The following DMD variants were observed in gnomAD, a reference collection of about 807,000 sequenced individuals.
The protein encoded by DMD is mutant dystrophin.
In DMD, 63 loss-of-function variants were observed where a neutral mutation model predicts 330.1. That is an observed-to-expected ratio of 0.19 (90% CI 0.16 to 0.24). The LOEUF (loss-of-function observed/expected upper bound fraction) is 0.24, where lower values mean the gene tolerates loss of function less well. Ranked by LOEUF, DMD falls within the 10% of genes least tolerant of loss-of-function variation. DMD has a pLI of 1.00. For missense variants in DMD, 3,344 were observed against 2,684.1 expected, an observed-to-expected ratio of 1.25 and a Z score of -5.43; for synonymous variants, 1,223 against 959.8, an observed-to-expected ratio of 1.27 and a Z score of -5.07.
chrX:32,649,418 G>A (rs1252145648), intron 9 of DMD, among the ~76,000 whole-genome samples: 1 of 109,061 alleles, frequency 9.2e-6, no homozygotes, highest in African/African-American at 3.4e-5. Flanking sequence ...GCCGGGCGCG[G>A]TGGCGGCGCC....
At chrX:31,429,717 C>T (rs2063926857) in intron 60 of DMD, among the ~76,000 whole-genome samples, 1 of 109,360 alleles carries the variant, frequency 9.1e-6, no homozygotes, top group Non-Finnish European at 1.9e-5. Context: ...TTCCTCTACA[C>T]AAGGAACAAT....
At chrX:31,707,626 AAAAAG>A (rs1461414915) in intron 52 of DMD, among the ~76,000 whole-genome samples, 1 of 111,954 alleles carries the variant, frequency 8.9e-6, no homozygotes, top group Non-Finnish European at 1.9e-5. Flanking sequence ...TGAAATTAAA[AAAAAG>A]AAAACTTCTG....
chrX:32,818,576 A>G (rs111563990), intron 5 of DMD, among the ~76,000 whole-genome samples: 3,305 of 111,947 alleles, frequency 0.03, 116 homozygotes, highest in African/African-American at 0.1. Flanking sequence ...GCATACAACT[A>G]TAAATCAATT....
chrX:33,158,501 T>C (rs1348261334), intron 1 of DMD, among the ~76,000 whole-genome samples: 2 of 111,527 alleles, frequency 1.8e-5, no homozygotes, highest in Non-Finnish European at 3.8e-5. Context: ...ATCTGTTCCT[T>C]GACCTCCCCT....
chrX:31,646,253 T>TTGTG (rs3032279), intron 54 of DMD, among the ~76,000 whole-genome samples: 1,988 of 102,998 alleles, frequency 0.019, 31 homozygotes, highest in African/African-American at 0.056. Context: ...GTGTTGTGTG[T>TTGTG]TGTGTGTGTG....
intron 7 of DMD, among the ~76,000 whole-genome samples, chrX:32,780,364 A>G (rs1481845698): frequency 8.9e-6 from 1 of 112,380 alleles, no homozygotes; most frequent in East Asian, 2.8e-4. Context: ...TTGAAATTTT[A>G]TAACAGCTTA....
chrX:32,149,277 T>G (rs766298591), intron 44 of DMD, among the ~76,000 whole-genome samples: 30 of 111,813 alleles, frequency 2.7e-4, no homozygotes, highest in African/African-American at 9.4e-4. Context: ...CAAGTTTCAA[T>G]GCCTATACCA....
chrX:32,640,131 T>A (rs1421028582), intron 11 of DMD, among the ~76,000 whole-genome samples: 3 of 109,434 alleles, frequency 2.7e-5, no homozygotes, highest in African/African-American at 6.6e-5. Flanking sequence ...ATACTTCATA[T>A]AGAAAATATC....
chrX:31,610,386 G>A (rs1214276521), intron 55 of DMD, among the ~76,000 whole-genome samples: 1 of 111,316 alleles, frequency 9.0e-6, no homozygotes, highest in African/African-American at 3.3e-5. Context: ...AAGGAGTTGT[G>A]CCTTTTACGG....
chrX:32,435,075 G>C (rs1461923256), intron 29 of DMD, among the ~76,000 whole-genome samples: 1 of 108,147 alleles, frequency 9.2e-6, no homozygotes, highest in East Asian at 2.9e-4. Flanking sequence ...GAGAGCTTCT[G>C]ATTTTAAGAC....
chrX:31,962,592 T>G (rs1297668278), intron 45 of DMD, among the ~76,000 whole-genome samples: 2 of 111,819 alleles, frequency 1.8e-5, no homozygotes, highest in South Asian at 7.4e-4. Context: ...CAAGAGAAAA[T>G]ATAGTAATGA....
At chrX:32,422,740 G>T (rs1362932580) in intron 29 of DMD, among the ~76,000 whole-genome samples, 1 of 111,282 alleles carries the variant, frequency 9.0e-6, no homozygotes, top group African/African-American at 3.3e-5. Context: ...ACACTGCAAA[G>T]AAATGTTGTT....
intron 7 of DMD, among the ~76,000 whole-genome samples, chrX:32,739,328 C>T (rs1189365512): frequency 1.8e-5 from 2 of 111,496 alleles, no homozygotes; most frequent in Non-Finnish European, 1.9e-5. Flanking sequence ...GTCTTTTACC[C>T]TAATGTGGCA....
intron 1 of DMD, among the ~76,000 whole-genome samples, chrX:33,182,672 A>C (rs2050057692): frequency 9.0e-6 from 1 of 111,677 alleles, no homozygotes; most frequent in Non-Finnish European, 1.9e-5. Context: ...TAGAAAAAAA[A>C]CTCCATAACT....
chrX:32,827,427 C>T (rs767766817), intron 4 of DMD, among the ~76,000 whole-genome samples: 4 of 110,903 alleles, frequency 3.6e-5, no homozygotes, highest in African/African-American at 9.8e-5. Flanking sequence ...CAGACAGCTA[C>T]TCTTTTTTAA....
chrX:31,518,300 T>C (rs746245477), intron 55 of DMD, among the ~76,000 whole-genome samples: 1 of 111,776 alleles, frequency 8.9e-6, no homozygotes, highest in African/African-American at 3.2e-5. Flanking sequence ...AGGCTGAGTT[T>C]TCTTTTTTTA....
rs2098031593 is a variant in DMD at position 32,394,921 on chromosome X, A to AAAAAAAAC, written c.4234-4741_4234-4740insGTTTTTTT. On this transcript the variant is annotated intron_variant, in intron 30 of 78. Transcript: ENST00000357033. ...AAGAGCAAAAAACAAAAAAACAAAA[A>AAAAAAAAC]AAAAAAAAAAAAGAAAAGAAATCAT... Among the ~76,000 whole-genome samples the AAAAAAAAC allele has an allele frequency of 3.8e-4, 24 of 63,745 alleles. 1 individual carries two copies. The highest frequency in any genetic ancestry group is 1.0e-3 in the South Asian group (1 of 996). The allele number at this position is 63,745 out of a possible 115,157, so 55.4% of individuals were successfully genotyped here.
At chrX:32,426,998 C>A (rs1209683234) in intron 29 of DMD, among the ~76,000 whole-genome samples, 1 of 111,240 alleles carries the variant, frequency 9.0e-6, no homozygotes, top group Non-Finnish European at 1.9e-5. Context: ...AAATACCTAT[C>A]AGGTAGTATG....
chrX:32,403,419 A>C (rs16990300), intron 30 of DMD, among the ~76,000 whole-genome samples: 2,818 of 111,625 alleles, frequency 0.025, 78 homozygotes, highest in African/African-American at 0.085. Context: ...GAATTTGTAG[A>C]TAGATTTTTA....
Sources: gnomAD v4.1 joint callset for allele counts (sites outside exome capture counted in the v4.1 genomes callset) on GRCh38, gnomAD v4.1.1 for gene constraint, MANE v1.5 for transcripts, NCBI Gene and HGNC (gene_info 2026-07-23, HGNC 2026-07-21) for gene names.